Variants in HTT observed in about 807,000 individuals in gnomAD.
HTT encodes huntington disease protein.
Under a neutral mutation model 362.3 loss-of-function variants are expected in HTT, and 104 were observed. The observed-to-expected ratio is 0.29, with a 90% confidence interval of 0.24 to 0.34. HTT has a LOEUF of 0.34. Among genes scored for constraint, HTT ranks in the 10% least tolerant of loss-of-function variants. The pLI is 1.00. For synonymous variants in HTT, 1,577 were observed against 1,548.7 expected (o/e 1.02, Z -0.43); for missense variants, 3,301 against 3,928.6 (o/e 0.84, Z 4.27).
chr4:3,135,710 T>A (rs1286940210), intron 19 of HTT, among the ~76,000 whole-genome samples, 194 bp from the exon 20 acceptor site: 34 of 152,298 alleles, frequency 2.2e-4, no homozygotes, highest in African/African-American at 7.9e-4. Context: ...CTGAGTACTG[T>A]CTTATTGAGT....
chr4:3,176,031 TTTTG>T (rs1000488908), intron 33 of HTT, among the ~76,000 whole-genome samples: 1 of 147,432 alleles, frequency 6.8e-6, no homozygotes, highest in African/African-American at 2.6e-5. Context: ...GTTTGTTTTT[TTTTG>T]TTTTTTTTTT....
chr4:3,190,949 G>A (rs1399274372), intron 40 of HTT, among the ~76,000 whole-genome samples: 3 of 152,342 alleles, frequency 2.0e-5, no homozygotes, highest in Admixed American at 6.5e-5. Context: ...ACAGCATTAA[G>A]TCATGGTCCA....
Position 3,121,309 on chromosome 4 carries a change from T to G in HTT, c.1150T>G (p.Phe384Val). 1 of 1,614,068 alleles carries G rather than the reference T, an allele frequency of 6.2e-7. No homozygotes were observed. Among genetic ancestry groups the G allele is most frequent in the Non-Finnish European group, 8.5e-7 (1 of 1,179,926 alleles). ...AGCCCTGGAGCTGTTGCAGCAGCTC[T>G]TCAGAACGCCTCCACCCGAGCTTCT... is the stretch of plus-strand genomic sequence containing the variant. Reference protein sequence around the residue: ...TGALELLQQLFRTPPPELLQT... With the variant: ...TGALELLQQLVRTPPPELLQT... The change falls in exon 9 of 67, where the codon TTC becomes GTC. Residue 384 changes from phenylalanine to valine, a missense_variant. Physicochemically the swap from Phe to Val is conservative, Grantham distance 50. Transcript: ENST00000355072.
At chr4:3,161,366 G>C (rs1269328611) in intron 29 of HTT, among the ~76,000 whole-genome samples, 1 of 152,138 alleles carries the variant, frequency 6.6e-6, no homozygotes, top group Non-Finnish European at 1.5e-5. Flanking sequence ...ATTGTGACTA[G>C]TGCCACAATA....
chr4:3,140,036 C>T (rs945751796), intron 21 of HTT, among the ~76,000 whole-genome samples: 1 of 151,894 alleles, frequency 6.6e-6, no homozygotes, highest in African/African-American at 2.4e-5. Context: ...GGGTGGATCA[C>T]GAGGTCAGGA....
chr4:3,225,918 A>G (rs75782188), intron 57 of HTT, among the ~76,000 whole-genome samples, 175 bp downstream of exon 57: 3,439 of 152,164 alleles, frequency 0.023, 97 homozygotes, highest in African/African-American at 0.068. Flanking sequence ...TAGGTCCCGC[A>G]AGCAGAGGAA....
chr4:3,204,189 G>C, intron 42 of HTT, 41 bp downstream of exon 42: 3 of 1,609,768 alleles, frequency 1.9e-6, no homozygotes, highest in Non-Finnish European at 1.7e-6. Flanking sequence ...AGGGAGGTGG[G>C]GACCAGGAGA....
At position 3,133,596 on chromosome 4, in the gene HTT, AT is replaced by A. The variant is rs973433861; in HGVS notation, c.2493+688del. On this transcript the variant is annotated intron_variant, in intron 18 of 66. Transcript: ENST00000355072. ...AGAGTTAAAGTGAGCCTTAGGGATT[AT>A]TTACTCAACCTCTGTTTCTGTATAA... Among the ~76,000 whole-genome samples, 7 of 151,874 alleles carry A rather than the reference AT, an allele frequency of 4.6e-5. No individual in the cohort carries two copies. In the East Asian group the frequency reaches 1.4e-3, roughly 29 times the overall value.
At chr4:3,211,771 T>G (rs1184880556) in intron 47 of HTT, 158 bp from the exon 48 acceptor site, 1 of 591,088 alleles carries the variant, frequency 1.7e-6, no homozygotes, top group Non-Finnish European at 3.0e-6. Flanking sequence ...ATAACAGGCA[T>G]AGAGTAGAAT....
chr4:3,084,971 G>A (rs1361418116), intron 1 of HTT, among the ~76,000 whole-genome samples: 3 of 151,400 alleles, frequency 2.0e-5, no homozygotes, highest in South Asian at 2.1e-4. Context: ...CTGAGATCGC[G>A]CCACTGCACT....
rs1721025351 is a variant in HTT at position 3,228,400 on chromosome 4, C to G, written c.7849-215C>G. 6.6e-6 allele frequency among the ~76,000 whole-genome samples: 1 copy of G among 152,194 alleles called. No homozygotes were observed. ...GGGTTGACTGGCCCCTGATTCATGCCTTTAGCATGTGCTGGAGCTTCCCAG... is the reference window on the plus strand; with the variant it reads ...GGGTTGACTGGCCCCTGATTCATGCGTTTAGCATGTGCTGGAGCTTCCCAG... On this transcript the variant is annotated intron_variant, in intron 57 of 66. Transcript: ENST00000355072. The surrounding 1 kb of genome is among the most constrained non-coding windows in gnomAD (Gnocchi z 4.3).
chr4:3,110,505 A>G (rs1274619833), intron 6 of HTT, among the ~76,000 whole-genome samples: 1 of 152,192 alleles, frequency 6.6e-6, no homozygotes, highest in Non-Finnish European at 1.5e-5. Context: ...CTCCCGTTGG[A>G]TGCCCAGTTC....
At chr4:3,168,560 T>G (rs1379022792) in intron 29 of HTT, among the ~76,000 whole-genome samples, 1 of 152,270 alleles carries the variant, frequency 6.6e-6, no homozygotes, top group Non-Finnish European at 1.5e-5. Context: ...ATTTATTCCA[T>G]ACTCATTTTT....
chr4:3,218,169 G>C lies in HTT; in HGVS notation c.7242+217G>C, dbSNP rs1253002759. 6.6e-6 allele frequency among the ~76,000 whole-genome samples: 1 copy of C among 152,214 alleles called. No individual in the cohort carries two copies. The highest frequency in any genetic ancestry group is 1.5e-5 in the Non-Finnish European group (1 of 68,036). ...AATACTGGGTTTTCTAAAATGAACT[G>C]AGGCCCTACATCCCTAAGAGATTAG... On this transcript the variant is annotated intron_variant, in intron 52 of 66. Coordinates refer to ENST00000355072, the MANE Select transcript of HTT (RefSeq NM_001388492.1). This position sits in a 1 kb window ranked among gnomAD's most constrained non-coding sequence, Gnocchi z 4.4.
chr4:3,094,020 A>C (rs1033396072), intron 2 of HTT, among the ~76,000 whole-genome samples: 1 of 150,860 alleles, frequency 6.6e-6, no homozygotes, highest in African/African-American at 2.4e-5. Context: ...GCAGATAAAC[A>C]TGTAAACAAA....
chr4:3,217,538 C>G (rs937125423), intron 51 of HTT, among the ~76,000 whole-genome samples: 2 of 152,118 alleles, frequency 1.3e-5, no homozygotes, highest in African/African-American at 4.8e-5. Flanking sequence ...GGAACCAAGG[C>G]CAGAGCTCAG....
intron 2 of HTT, among the ~76,000 whole-genome samples, chr4:3,091,112 C>G (rs1461295286): frequency 6.6e-6 from 1 of 151,526 alleles, no homozygotes; most frequent in African/African-American, 2.4e-5. Flanking sequence ...AATTCTGTCT[C>G]AAGAAAAAAG....
intron 64 of HTT, among the ~76,000 whole-genome samples, chr4:3,237,560 G>T (rs925361946): frequency 5.3e-5 from 8 of 151,908 alleles, no homozygotes; most frequent in African/African-American, 1.9e-4. Flanking sequence ...CACGCCTTCC[G>T]CTTGACCGCT....
At chr4:3,197,895 G>A (rs1719330380) in intron 40 of HTT, among the ~76,000 whole-genome samples, 1 of 152,160 alleles carries the variant, frequency 6.6e-6, no homozygotes, top group Non-Finnish European at 1.5e-5. Context: ...CATCTTCCTT[G>A]AAGGCAGTGC....
Sources: gnomAD v4.1 joint callset for allele counts (sites outside exome capture counted in the v4.1 genomes callset) on GRCh38, gnomAD v4.1.1 for gene constraint, Gnocchi (gnomAD v3.1) non-coding constraint, MANE v1.5 for transcripts, NCBI Gene and HGNC (gene_info 2026-07-23, HGNC 2026-07-21) for gene names.